Variants in KCNMB2 observed in about 807,000 individuals in gnomAD.
KCNMB2 encodes potassium calcium-activated channel subfamily M regulatory beta subunit 2.
In KCNMB2, 9 loss-of-function variants were observed where a neutral mutation model predicts 24.5. The observed-to-expected ratio is 0.37, with a 90% CI of 0.22 to 0.64. KCNMB2 has a LOEUF of 0.64. KCNMB2 is among the 30% of genes least tolerant of loss of function. KCNMB2 has a pLI of 0.63. For missense variants in KCNMB2, 226 were observed against 284.3 expected, an observed-to-expected ratio of 0.79 and a Z score of 1.47; for synonymous variants, 109 against 104.4, an observed-to-expected ratio of 1.04 and a Z score of -0.27.
chr3:178,635,996 C>T (rs894781276), intron 1 of KCNMB2, among the ~76,000 whole-genome samples: 5 of 152,176 alleles, frequency 3.3e-5, no homozygotes, highest in Non-Finnish European at 7.3e-5. Context: ...CACCTGTGCA[C>T]TTCATGTTAT....
chr3:178,689,799 T>C (rs1450288117), intron 1 of KCNMB2, among the ~76,000 whole-genome samples: 1 of 152,192 alleles, frequency 6.6e-6, no homozygotes, highest in Non-Finnish European at 1.5e-5. Context: ...TAGCTTGAAC[T>C]TGGGTCTTCT....
chr3:178,774,366 C>T (rs1712494278), intron 1 of KCNMB2, among the ~76,000 whole-genome samples: 1 of 152,212 alleles, frequency 6.6e-6, no homozygotes, highest in Non-Finnish European at 1.5e-5. Context: ...AACATATCTA[C>T]AGAGCCCTTT....
At chr3:178,579,529 C>T (rs1037929930) in intron 1 of KCNMB2, among the ~76,000 whole-genome samples, 3 of 152,050 alleles carry the variant, frequency 2.0e-5, no homozygotes, top group Non-Finnish European at 4.4e-5. Context: ...CAGAGCAGAA[C>T]TGAAGGAGAT....
chr3:178,756,208 ATG>A (rs981637387), intron 1 of KCNMB2, among the ~76,000 whole-genome samples: 2 of 150,906 alleles, frequency 1.3e-5, no homozygotes, highest in African/African-American at 4.9e-5. Flanking sequence ...GATTTTCCAC[ATG>A]TGTGTGTATA....
chr3:178,711,343 G>T (rs1183988797), intron 1 of KCNMB2, among the ~76,000 whole-genome samples: 2 of 152,116 alleles, frequency 1.3e-5, no homozygotes, highest in East Asian at 3.9e-4. Flanking sequence ...TTGGTCTGCA[G>T]CAATTTGTTT....
intron 1 of KCNMB2, among the ~76,000 whole-genome samples, chr3:178,584,713 A>C (rs1159351123): frequency 6.6e-6 from 1 of 152,192 alleles, no homozygotes; most frequent in Non-Finnish European, 1.5e-5. Context: ...AAACCAAAAA[A>C]AAAAGAAAAA....
intron 1 of KCNMB2, among the ~76,000 whole-genome samples, chr3:178,743,066 G>GT (rs750091756): frequency 6.6e-6 from 1 of 152,286 alleles, no homozygotes; most frequent in East Asian, 1.9e-4. Context: ...AGAAGGGAAA[G>GT]TAAAGGGAAG....
intron 1 of KCNMB2, among the ~76,000 whole-genome samples, chr3:178,641,855 T>C (rs1157763928): frequency 5.3e-5 from 8 of 152,300 alleles, no homozygotes; most frequent in Non-Finnish European, 7.4e-5. Context: ...TGAGAGTTTT[T>C]ATCATGAATG....
chr3:178,723,737 G>T lies in KCNMB2; in HGVS notation c.-67-83606G>T, dbSNP rs540051112. Reference sequence around the variant, plus strand: ...CTCCCACTTACAAATGAGAATATGTGGTACTTTATTTTCTGTTTCTGTGTT... The same window carrying T: ...CTCCCACTTACAAATGAGAATATGTTGTACTTTATTTTCTGTTTCTGTGTT... On this transcript the variant is annotated intron_variant, in intron 1 of 4. Transcript: ENST00000452583. Among the ~76,000 whole-genome samples the T allele has an allele frequency of 3.3e-5, 5 of 152,146 alleles. No individual in the cohort carries two copies. In the South Asian group the frequency reaches 1.0e-3, roughly 32 times the overall value.
At chr3:178,719,045 G>C (rs1023698992) in intron 1 of KCNMB2, among the ~76,000 whole-genome samples, 1 of 152,174 alleles carries the variant, frequency 6.6e-6, no homozygotes, top group Admixed American at 6.6e-5. Flanking sequence ...CCAGCCCTGT[G>C]ACTTTTTCAG....
In KCNMB2 at chr3:178,631,973, G is replaced by C. The variant is rs142159640; in HGVS notation, c.-68+95262G>C. Reference sequence around the variant, plus strand: ...TATTTTCAGTTAAAATAGAAATATGGGTTATTTAATTTGCATTCACTGCAA... The same window carrying C: ...TATTTTCAGTTAAAATAGAAATATGCGTTATTTAATTTGCATTCACTGCAA... On this transcript the variant is annotated intron_variant, in intron 1 of 4. Transcript: ENST00000452583. Among the ~76,000 whole-genome samples, 40 of 152,238 alleles carry C rather than the reference G, an allele frequency of 2.6e-4. No homozygotes were observed. In the South Asian group the frequency reaches 7.5e-3, roughly 28 times the overall value.
chr3:178,577,849 A>G (rs1356359832), intron 1 of KCNMB2, among the ~76,000 whole-genome samples: 1 of 152,352 alleles, frequency 6.6e-6, no homozygotes, highest in African/African-American at 2.4e-5. Context: ...AAAGGAAAGA[A>G]CAAAGCCTCC....
chr3:178,828,334 C>A lies in KCNMB2; in HGVS notation c.384C>A (p.Leu128=), dbSNP rs1714916822. 1.2e-6 allele frequency: 2 copies of A among 1,613,970 alleles called. No individual in the cohort carries two copies. Among genetic ancestry groups the A allele is most frequent in the South Asian group, 2.2e-5 (2 of 91,068 alleles). ...TGACTTCTTCCGGGGAAAAGCTCCT[C>A]CTCTACCACACAGAAGAGACAATAA... ...VNLTSSGEKL[L]LYHTEETIKI... is the part of the protein sequence containing the mutation. The change falls in exon 4 of 5, where the codon CTC becomes CTA. Residue 128 remains leucine, a synonymous_variant. Coordinates refer to ENST00000452583, the MANE Select transcript of KCNMB2 (RefSeq NM_181361.3).
At chr3:178,618,013 G>A (rs1014423006) in intron 1 of KCNMB2, among the ~76,000 whole-genome samples, 9 of 151,242 alleles carry the variant, frequency 6.0e-5, no homozygotes, top group African/African-American at 2.2e-4. Context: ...CAGATAGATA[G>A]ATTTTTAATA....
intron 1 of KCNMB2, among the ~76,000 whole-genome samples, chr3:178,598,830 C>A (rs1717973686): frequency 6.6e-6 from 1 of 152,176 alleles, no homozygotes; most frequent in Admixed American, 6.6e-5. Flanking sequence ...GAGGTGTATG[C>A]ACTCTCCTCT....
intron 1 of KCNMB2, among the ~76,000 whole-genome samples, chr3:178,658,300 G>C (rs1253657464): frequency 6.6e-6 from 1 of 152,106 alleles, no homozygotes; most frequent in Non-Finnish European, 1.5e-5. Flanking sequence ...TTAAGAAACA[G>C]GTATCCCTCA....
chr3:178,679,634 T>C (rs6792781), intron 1 of KCNMB2, among the ~76,000 whole-genome samples: 48,708 of 151,922 alleles, frequency 0.32, 8,467 homozygotes, highest in African/African-American at 0.46. Flanking sequence ...GTCTTAGGTA[T>C]GGCAGTAGGG....
rs185231324 is a variant in KCNMB2, at chr3:178,789,877, A to C, written c.-67-17466A>C. Among the ~76,000 whole-genome samples, 293 of 152,164 alleles carry C rather than the reference A, an allele frequency of 1.9e-3. 3 individuals are homozygous for C. The highest frequency in any genetic ancestry group is 6.6e-3 in the African/African-American group (273 of 41,532). On this transcript the variant is annotated intron_variant, in intron 1 of 4. Coordinates refer to ENST00000452583, the MANE Select transcript of KCNMB2 (RefSeq NM_181361.3). ...CAAGTCCTGATGCTGTGCTGGGCTT[A>C]TAGCCTGTGGACTTGGTGGGTGCAC...
intron 1 of KCNMB2, among the ~76,000 whole-genome samples, chr3:178,598,382 T>C (rs924445553): frequency 1.3e-5 from 2 of 151,978 alleles, no homozygotes; most frequent in Non-Finnish European, 2.9e-5. Flanking sequence ...ACCAGATTTC[T>C]TAGCAAGCTA....
Sources: gnomAD v4.1 joint callset for allele counts (sites outside exome capture counted in the v4.1 genomes callset) on GRCh38, gnomAD v4.1.1 for gene constraint, MANE v1.5 for transcripts, NCBI Gene and HGNC (gene_info 2026-07-23, HGNC 2026-07-21) for gene names.